The following DSTYK variants were observed in gnomAD, a reference collection of about 807,000 sequenced individuals.
DSTYK encodes the protein RIP-homologous kinase.
A neutral mutation model predicts 98.7 loss-of-function variants in DSTYK; 34 were observed. The observed-to-expected ratio is 0.34, with a 90% confidence interval of 0.26 to 0.46. The LOEUF (loss-of-function observed/expected upper bound fraction) is 0.46. Ranked by LOEUF, DSTYK falls within the 20% of genes least tolerant of loss-of-function variation. The probability of loss-of-function intolerance (pLI) is 1.00; values close to 1 mark genes in which losing one functional copy is unlikely to be tolerated. For missense variants in DSTYK, 962 were observed against 1,181.7 expected (o/e 0.81, Z 2.73); for synonymous variants, 462 against 457.3 (o/e 1.01, Z -0.13).
rs191599032 is a variant in DSTYK, at chr1:205,201,355, A to T, written c.265+9916T>A. On this transcript the variant is annotated intron_variant, in intron 1 of 12. Transcript: ENST00000367162. ...AAAACATCTCAGGTATCCCATAAAT[A>T]TATAAACCTACTATGTACACACAAA... Among the ~76,000 whole-genome samples the T allele has an allele frequency of 3.2e-4, 49 of 151,598 alleles. No individual in the cohort carries two copies. The East Asian group carries it at 9.1e-3, about 28-fold the overall frequency.
At chr1:205,194,828 A>C (rs574970433) in intron 1 of DSTYK, among the ~76,000 whole-genome samples, 1 of 128,510 alleles carries the variant, frequency 7.8e-6, no homozygotes, top group Non-Finnish European at 1.8e-5. Flanking sequence ...CCCAAGTACC[A>C]AGTAGCTGGG....
chr1:205,209,323 A>G (rs1659295264), intron 1 of DSTYK, among the ~76,000 whole-genome samples: 1 of 152,222 alleles, frequency 6.6e-6, no homozygotes, highest in Non-Finnish European at 1.5e-5. Context: ...TCTGGAAAGC[A>G]CTGTTATGGG....
Position 205,169,117 on chromosome 1 carries a change from G to C in DSTYK, c.1324+46C>G. On this transcript the variant is annotated intron_variant, in intron 3 of 12. Transcript: ENST00000367162. The surrounding 1 kb of genome is among the most constrained non-coding windows in gnomAD (Gnocchi z 4.0). ...TTAATTTCCGGCTAGAAAATGGTTA[G>C]AGACTCCTCCCGTGCCAGCACCCCA... is the stretch of plus-strand genomic sequence containing the variant. 6.8e-7 allele frequency: 1 copy of C among 1,476,778 alleles called. No homozygotes were observed. 91.5% of individuals were successfully genotyped at this position (1,476,778 alleles called of 1,614,324 possible).
At chr1:205,200,425 C>T (rs938555559) in intron 1 of DSTYK, among the ~76,000 whole-genome samples, 5 of 152,042 alleles carry the variant, frequency 3.3e-5, no homozygotes, top group Admixed American at 6.6e-5. Flanking sequence ...CTGCCCACTT[C>T]GGCCTCCCAA....
At chr1:205,177,459 T>G (rs1658264927) in intron 2 of DSTYK, among the ~76,000 whole-genome samples, 2 of 152,190 alleles carry the variant, frequency 1.3e-5, no homozygotes, top group African/African-American at 2.4e-5. Flanking sequence ...CTCCTGTTTG[T>G]TTTCACACAG....
chr1:205,198,189 G>A (rs891234441), intron 1 of DSTYK, among the ~76,000 whole-genome samples: 2 of 151,236 alleles, frequency 1.3e-5, no homozygotes, highest in Admixed American at 1.3e-4. Context: ...GTGAAACTCC[G>A]TCTCAAAAAA....
At position 205,146,192 on chromosome 1, in the gene DSTYK, T is replaced by C. The variant is rs1002803923; in HGVS notation, c.*1366A>G. 3 of 152,226 alleles carry C rather than the reference T, an allele frequency of 2.0e-5. No homozygotes were observed. The allele number at this position is 152,226 out of a possible 1,614,324, so 9.4% of individuals were successfully genotyped here. ...GCTCATTGATCAAGTTTTCCAAACG[T>C]CAGTGTGTTAGATTCAAACACAAAA... On this transcript the variant is annotated 3_prime_UTR_variant, in exon 13 of 13. Coordinates refer to ENST00000367162, the MANE Select transcript of DSTYK (RefSeq NM_015375.3).
In DSTYK at chr1:205,195,899, C is replaced by T. The variant is rs76068144; in HGVS notation, c.266-8093G>A. 7.5e-4 allele frequency among the ~76,000 whole-genome samples: 115 copies of T among 152,324 alleles called. 2 individuals are homozygous for T. The East Asian group carries it at 0.02, about 27-fold the overall frequency. ...TCACACTACCGAGGGAACAGAATCA[C>T]AGCTGGCAGTTGAGGCTTTAACGTA... On this transcript the variant is annotated intron_variant, in intron 1 of 12. Transcript: ENST00000367162.
At chr1:205,151,950 T>C (rs1558598496) in intron 10 of DSTYK, among the ~76,000 whole-genome samples, 1 of 152,116 alleles carries the variant, frequency 6.6e-6, no homozygotes, top group Non-Finnish European at 1.5e-5. Flanking sequence ...TCTTTATTGT[T>C]AGAGTATCTA....
intron 2 of DSTYK, among the ~76,000 whole-genome samples, chr1:205,173,938 T>G (rs1156460044): frequency 6.6e-6 from 1 of 152,096 alleles, no homozygotes; most frequent in Non-Finnish European, 1.5e-5. Context: ...AAGGCTGGTC[T>G]TGAACTCCTA....
chr1:205,160,016 A>C, intron 8 of DSTYK, 98 bp downstream of exon 8: 19 of 1,398,434 alleles, frequency 1.4e-5, no homozygotes, highest in Non-Finnish European at 1.9e-5. Context: ...AACTAAATAT[A>C]GAGAGGCCAT....
At chr1:205,179,074 A>G (rs1457998442) in intron 2 of DSTYK, among the ~76,000 whole-genome samples, 1 of 151,826 alleles carries the variant, frequency 6.6e-6, no homozygotes, top group Non-Finnish European at 1.5e-5. Context: ...GGCTGCAGTG[A>G]GCCAAGATCT....
In DSTYK at chr1:205,211,316, C is replaced by T. The variant is rs769500233; in HGVS notation, c.220G>A (p.Glu74Lys). The T allele has an allele frequency of 1.2e-6, 2 of 1,610,522 alleles. No homozygotes were observed. Among genetic ancestry groups the T allele is most frequent in the Non-Finnish European group, 8.5e-7 (1 of 1,178,720 alleles). The part of the protein sequence containing the change: ...LSSLTGGGGA[E>K]RGPAGDVAET... ...GCGACATCGCCTGCAGGGCCGCGCTCGGCCCCGCCGCCGCCCGTGAGGGAG... is the reference window on the plus strand; with the variant it reads ...GCGACATCGCCTGCAGGGCCGCGCTTGGCCCCGCCGCCGCCCGTGAGGGAG... Residue 74 changes from glutamate to lysine, a missense_variant, in exon 1 of 13, where the codon GAG (glutamate) becomes AAG (lysine). Glu to Lys is a moderately conservative substitution (Grantham distance 56). Around this residue, in one of 4 missense-constraint regions of DSTYK, gnomAD observed 168 missense variants for 120.0 expected, o/e 1.40. Coordinates refer to ENST00000367162, the MANE Select transcript of DSTYK (RefSeq NM_015375.3).
intron 3 of DSTYK, among the ~76,000 whole-genome samples, chr1:205,168,452 A>G (rs983842834): frequency 2.0e-5 from 3 of 152,222 alleles, no homozygotes; most frequent in African/African-American, 7.2e-5. Flanking sequence ...AATCGTGAGT[A>G]AGTCTGCAGT....
chr1:205,194,900 T>A (rs991238023), intron 1 of DSTYK, among the ~76,000 whole-genome samples: 2 of 152,068 alleles, frequency 1.3e-5, no homozygotes, highest in South Asian at 4.1e-4. Context: ...TGGCATGATC[T>A]TGGGTCAGGG....
intron 10 of DSTYK, among the ~76,000 whole-genome samples, chr1:205,152,106 T>G (rs1218002972): frequency 6.6e-6 from 1 of 152,246 alleles, no homozygotes; most frequent in Admixed American, 6.5e-5. Flanking sequence ...TGTATTGCAC[T>G]GTGCTGCAAC....
chr1:205,192,455 C>T (rs974635371), intron 1 of DSTYK, among the ~76,000 whole-genome samples: 1 of 152,018 alleles, frequency 6.6e-6, no homozygotes. Context: ...ACTCCTTGAC[C>T]CTGGGGAGGT....
chr1:205,147,620 T>C lies in DSTYK; in HGVS notation c.2728A>G (p.Met910Val), dbSNP rs1657276188. 1.2e-6 allele frequency: 2 copies of C among 1,614,060 alleles called. No individual in the cohort carries two copies. Among genetic ancestry groups the C allele is most frequent in the Non-Finnish European group, 1.7e-6 (2 of 1,179,884 alleles). The change falls in exon 13 of 13, where the codon ATG (methionine) becomes GTG (valine). Residue 910 changes from methionine to valine, a missense_variant. Transcript: ENST00000367162. The part of the protein sequence containing the change: ...GIVQPMLQGI[M>V]NRLCKSNSEQ... ...GAATTGGACTTGCAGAGCCGATTCA[T>C]GATGCCCTGGAGCATGGGCTGGACA... is the stretch of plus-strand genomic sequence containing the variant.
chr1:205,177,863 T>C (rs1245973630), intron 2 of DSTYK, among the ~76,000 whole-genome samples: 1 of 149,534 alleles, frequency 6.7e-6, no homozygotes, highest in African/African-American at 2.5e-5. Context: ...CGAGACTTCA[T>C]CTCAAAAAAA....
Sources: allele counts gnomAD v4.1 joint callset (sites outside exome capture counted in the v4.1 genomes callset), GRCh38; gene constraint gnomAD v4.1.1; regional missense constraint gnomAD v4.1.1; non-coding constraint Gnocchi (gnomAD v3.1); transcripts MANE v1.5; gene names NCBI Gene and HGNC (gene_info 2026-07-23, HGNC 2026-07-21).